Variants in CCL24 observed in about 807,000 individuals in gnomAD.
CCL24 encodes C-C motif chemokine ligand 24, also known as C-C motif chemokine 24.
Under a neutral mutation model 8.6 loss-of-function variants are expected in CCL24, and 6 were observed. That is an observed-to-expected ratio of 0.70 (90% CI 0.38 to 1.38). The LOEUF (loss-of-function observed/expected upper bound fraction) is 1.38, where lower values mean the gene tolerates loss of function less well. Among genes scored for constraint, CCL24 ranks in the 40% most tolerant of loss-of-function variants. The pLI, the probability that CCL24 is intolerant of heterozygous loss-of-function variation, is 0.02. For synonymous variants in CCL24, 59 were observed against 52.7 expected (o/e 1.12, Z -0.52); for missense variants, 126 against 147.1 (o/e 0.86, Z 0.74).
chr7:75,813,075 T>A (rs1046024399), intron 2 of CCL24, among the ~76,000 whole-genome samples: 3 of 152,144 alleles, frequency 2.0e-5, no homozygotes, highest in Non-Finnish European at 4.4e-5. Flanking sequence ...GCCACTGCAC[T>A]CCAGCTTGGG....
chr7:75,817,595 C>T (rs942339812), upstream of CCL24, among the ~76,000 whole-genome samples: 37 of 151,464 alleles, frequency 2.4e-4, 1 homozygote, highest in Admixed American at 1.4e-3. Context: ...CTCAACCTCC[C>T]GGGTTCAAGC....
At chr7:75,812,950 C>G in intron 2 of CCL24, among the ~76,000 whole-genome samples, 1 of 149,964 alleles carries the variant, frequency 6.7e-6, no homozygotes, top group Non-Finnish European at 1.5e-5. Flanking sequence ...AAATCCTCCT[C>G]CTGGCTGGGT....
At position 75,811,558 on chromosome 7, in the gene CCL24, A is replaced by T. The variant is rs11465318; in HGVS notation, c.*238T>A. On this transcript the variant is annotated 3_prime_UTR_variant, in exon 3 of 3. Transcript: ENST00000222902. ...GAGTTGCCACTGCTCTCCTTCTGGGATCTTCTCACCCAGCTCCAGAAAGGC... is the reference window on the plus strand; with the variant it reads ...GAGTTGCCACTGCTCTCCTTCTGGGTTCTTCTCACCCAGCTCCAGAAAGGC... 0.014 allele frequency: 5,693 copies of T among 416,550 alleles called. 62 individuals carry two copies. The highest frequency in any genetic ancestry group is 0.019 in the Non-Finnish European group (4,422 of 234,950). The allele number at this position is 416,550 out of a possible 1,614,324, so 25.8% of individuals were successfully genotyped here.
At chr7:75,818,344 G>A (rs1803937192), upstream of CCL24, among the ~76,000 whole-genome samples, 2 of 151,896 alleles carry the variant, frequency 1.3e-5, no homozygotes, top group South Asian at 4.2e-4. Context: ...CTACTCGGGA[G>A]GCTGAAGCAG....
chr7:75,817,891 C>T (rs1330741436), upstream of CCL24, among the ~76,000 whole-genome samples: 3 of 151,878 alleles, frequency 2.0e-5, no homozygotes, highest in Non-Finnish European at 2.9e-5. Flanking sequence ...AGTGCAGTGG[C>T]ATGATCTTGG....
At chr7:75,818,472 G>A (rs1295897239), upstream of CCL24, among the ~76,000 whole-genome samples, 1 of 151,310 alleles carries the variant, frequency 6.6e-6, no homozygotes. Context: ...AAGAAAGGGA[G>A]TGGTTAGGTA....
chr7:75,814,835 T>C (rs1483789487), upstream of CCL24, among the ~76,000 whole-genome samples: 1 of 151,750 alleles, frequency 6.6e-6, no homozygotes, highest in East Asian at 1.9e-4. Flanking sequence ...GTTTCCTGAG[T>C]TTCCAACTCG....
At chr7:75,820,062 TTCTTCTTCTTCTTCTTCTTCTTCTTCC>T (rs1803998464) in intron 1 of CCL24, among the ~76,000 whole-genome samples, 1 of 137,110 alleles carries the variant, frequency 7.3e-6, no homozygotes, top group Non-Finnish European at 1.6e-5. Flanking sequence ...CTTCTTCTTC[TTCTTCTTCTTCTTCTTCTTCTTCTTCC>T]TCTTCTTCTT....
At chr7:75,814,293 C>G (rs553901278), upstream of CCL24, among the ~76,000 whole-genome samples, 5 of 152,068 alleles carry the variant, frequency 3.3e-5, no homozygotes, top group Admixed American at 3.3e-4. Flanking sequence ...CAGCTGGGCA[C>G]GGGGGCTCAT....
intron 1 of CCL24, among the ~76,000 whole-genome samples, chr7:75,820,018 A>ACGTC (rs1230617445): frequency 9.5e-6 from 1 of 104,816 alleles, no homozygotes; most frequent in Non-Finnish European, 2.0e-5. Context: ...TTAGTAAACT[A>ACGTC]CTTCTTCTTC....
intron 1 of CCL24, among the ~76,000 whole-genome samples, chr7:75,820,115 T>TC (rs1554534868): frequency 3.9e-5 from 5 of 129,510 alleles, no homozygotes; most frequent in East Asian, 4.7e-4. Flanking sequence ...TCCTTCTTCT[T>TC]CTTCTTCTTC....
intron 1 of CCL24, among the ~76,000 whole-genome samples, chr7:75,820,906 T>C (rs1473820940): frequency 1.3e-5 from 2 of 149,740 alleles, no homozygotes; most frequent in African/African-American, 2.5e-5. Context: ...CATTAATCCA[T>C]CCATCTATCC....
chr7:75,813,901 T>G (rs1803831830), upstream of CCL24: 3 of 503,602 alleles, frequency 6.0e-6, no homozygotes, highest in African/African-American at 3.9e-5. Context: ...CTGAGGCCTG[T>G]GGTCTGGAAA....
intron 1 of CCL24, among the ~76,000 whole-genome samples, chr7:75,819,977 G>C (rs1460939306): frequency 6.6e-6 from 1 of 151,534 alleles, no homozygotes; most frequent in Non-Finnish European, 1.5e-5. Context: ...TGTGATTCTA[G>C]AATCCTAGAA....
At chr7:75,812,945 C>T (rs1554533610) in intron 2 of CCL24, among the ~76,000 whole-genome samples, 1 of 149,090 alleles carries the variant, frequency 6.7e-6, no homozygotes, top group Non-Finnish European at 1.5e-5. Context: ...AAAAAAAATC[C>T]TCCTCCTGGC....
At chr7:75,816,423 C>T (rs1563351963), upstream of CCL24, among the ~76,000 whole-genome samples, 2 of 152,238 alleles carry the variant, frequency 1.3e-5, no homozygotes, top group South Asian at 4.1e-4. Context: ...TGGCACCTGC[C>T]CCTGTCTGCC....
intron 1 of CCL24, among the ~76,000 whole-genome samples, chr7:75,820,760 C>T (rs1804029609): frequency 6.6e-6 from 1 of 151,440 alleles, no homozygotes; most frequent in South Asian, 2.1e-4. Flanking sequence ...TCCACCCCTC[C>T]ACCCATCCAT....
intron 1 of CCL24, among the ~76,000 whole-genome samples, chr7:75,821,789 G>A (rs190983825): frequency 0.011 from 1,672 of 151,968 alleles, 18 homozygotes; most frequent in African/African-American, 0.033. Context: ...TTAGCCGGGC[G>A]TAGTGGCGGG....
chr7:75,819,296 AAAAAAAAATATATATATATATATATATAT>A (rs1563353431), intron 1 of CCL24, among the ~76,000 whole-genome samples: 2 of 24,282 alleles, frequency 8.2e-5, no homozygotes, highest in Admixed American at 8.7e-4. Context: ...AAAAAAAAAA[AAAAAAAAATATATATATATATATATATAT>A]ATATATATAT....
Sources: gnomAD v4.1 joint callset for allele counts (sites outside exome capture counted in the v4.1 genomes callset) on GRCh38, gnomAD v4.1.1 for gene constraint, MANE v1.5 for transcripts, NCBI Gene and HGNC (gene_info 2026-07-23, HGNC 2026-07-21) for gene names.